Variants in ARHGEF7 observed in about 807,000 individuals in gnomAD.
ARHGEF7 encodes Rho guanine nucleotide exchange factor 7, also known as PAK-interacting exchange factor beta.
A neutral mutation model predicts 109.8 loss-of-function variants in ARHGEF7; 33 were observed. That is an observed-to-expected ratio of 0.30 (90% CI 0.23 to 0.40). The LOEUF is 0.40. Ranked by LOEUF, ARHGEF7 falls within the 10% of genes least tolerant of loss-of-function variation. The pLI is 1.00. For missense variants in ARHGEF7, 938 were observed against 1,098.5 expected (o/e 0.85, Z 2.07); for synonymous variants, 458 against 424.6 (o/e 1.08, Z -0.97).
In ARHGEF7 at chr13:111,286,251, G is replaced by A; in HGVS notation, c.2044+11G>A. On this transcript the variant is annotated intron_variant, in intron 17 of 21. Transcript: ENST00000646102. The stretch of plus-strand genomic sequence containing the variant: ...TCGCGTCCCGGAAAAGTGAGTACCT[G>A]CGGTCCGTGTGGTGGAGGACGTGGC... 6.2e-7 allele frequency: 1 copy of A among 1,609,526 alleles called. No homozygotes were observed. Among genetic ancestry groups the A allele is most frequent in the Non-Finnish European group, 8.5e-7 (1 of 1,176,470 alleles).
rs189220101 is a variant in ARHGEF7, at chr13:111,280,870, C to T, written c.1725+193C>T. On this transcript the variant is annotated intron_variant, in intron 15 of 21. Transcript: ENST00000646102. ...TGAATTGTTTTCCAATGAGTGTTCT[C>T]GAGAAACAACCCTGAATTGTGCCTC... The T allele has an allele frequency of 3.0e-4, 180 of 593,262 alleles. No homozygotes were observed. The African/African-American group carries it at 3.1e-3, about 10-fold the overall frequency. The allele number at this position is 593,262 out of a possible 1,614,324, so 36.7% of individuals were successfully genotyped here. A position where few individuals can be genotyped will look rare whatever the true frequency, so the allele number is the denominator to read the frequency against.
intron 1 of ARHGEF7, chr13:111,116,684 G>A (rs1265418157): frequency 6.6e-6 from 1 of 151,996 alleles, no homozygotes; most frequent in African/African-American, 2.4e-5. Flanking sequence ...TTTTAAGTGG[G>A]GTGTATTGGC....
At chr13:111,123,591 C>T (rs1450227372) in intron 1 of ARHGEF7, among the ~76,000 whole-genome samples, 1 of 152,172 alleles carries the variant, frequency 6.6e-6, no homozygotes, top group Non-Finnish European at 1.5e-5. Context: ...GTTTAAAATA[C>T]CCTCTATATC....
intron 1 of ARHGEF7, among the ~76,000 whole-genome samples, chr13:111,143,221 T>C (rs1216060127): frequency 6.6e-6 from 1 of 151,848 alleles, no homozygotes; most frequent in African/African-American, 2.4e-5. Flanking sequence ...TGAGGCAGAG[T>C]AGATACAGGA....
intron 8 of ARHGEF7, among the ~76,000 whole-genome samples, chr13:111,244,688 T>C (rs2088466427): frequency 6.6e-6 from 1 of 152,186 alleles, no homozygotes; most frequent in Non-Finnish European, 1.5e-5. Context: ...TTGCCTGCTG[T>C]TTCTGGCCTT....
Position 111,157,258 on chromosome 13 carries a change from T to G in ARHGEF7, c.252+3267T>G, listed in dbSNP as rs1197939785. ...GCAGTGCAACTTGGATGACTTCATT[T>G]TCTTATAACTTTTTTACTTGGCATG... is the stretch of plus-strand genomic sequence containing the variant. On this transcript the variant is annotated intron_variant, in intron 2 of 21. Transcript: ENST00000646102. 4.0e-5 allele frequency among the ~76,000 whole-genome samples: 6 copies of G among 150,110 alleles called. No homozygotes were observed. In the Admixed American group the frequency reaches 4.1e-4, roughly 10 times the overall value.
chr13:111,284,637 G>A (rs2092938109), intron 16 of ARHGEF7, among the ~76,000 whole-genome samples: 1 of 152,100 alleles, frequency 6.6e-6, no homozygotes, highest in South Asian at 2.1e-4. Context: ...AATTTTTTTT[G>A]ATAAGTCTGG....
intron 1 of ARHGEF7, among the ~76,000 whole-genome samples, chr13:111,128,298 T>C (rs1259468178): frequency 6.6e-6 from 1 of 152,058 alleles, no homozygotes; most frequent in Admixed American, 6.5e-5. Flanking sequence ...TATGATTGTG[T>C]AGGAAATTGT....
Position 111,288,341 on chromosome 13 carries a change from C to T in ARHGEF7, c.2045-13C>T. ...TTCAGTTCGACTGTGAACTGTTGCG[C>T]ATCTCTTGACAGGCACAGCTGCTTT... On this transcript the variant is annotated splice_polypyrimidine_tract_variant and intron_variant, in intron 17 of 21. Transcript: ENST00000646102. 1 of 1,606,778 alleles carries T rather than the reference C, an allele frequency of 6.2e-7. No individual in the cohort carries two copies. Among genetic ancestry groups the T allele is most frequent in the Non-Finnish European group, 8.5e-7 (1 of 1,173,882 alleles).
intron 19 of ARHGEF7, chr13:111,294,216 A>G (rs570155734): frequency 2.6e-5 from 26 of 985,278 alleles, no homozygotes; most frequent in Non-Finnish European, 3.0e-5. Flanking sequence ...CTATAAGTGG[A>G]TTTAGAAGCG....
chr13:111,207,529 T>C lies in ARHGEF7; in HGVS notation c.337+2156T>C, dbSNP rs975407978. ...GGCAGATGGGGCAATAGCACAGATA[T>C]GTAAAATCTACAAGTAATCCTTAAT... is the stretch of plus-strand genomic sequence containing the variant. On this transcript the variant is annotated intron_variant, in intron 3 of 21. Transcript: ENST00000646102. 3.3e-5 allele frequency among the ~76,000 whole-genome samples: 5 copies of C among 152,254 alleles called. No individual in the cohort carries two copies. In the South Asian group the frequency reaches 8.3e-4, roughly 25 times the overall value.
intron 5 of ARHGEF7, among the ~76,000 whole-genome samples, chr13:111,230,322 T>C (rs1566904236): frequency 6.6e-6 from 1 of 152,186 alleles, no homozygotes; most frequent in Non-Finnish European, 1.5e-5. Context: ...CTTAGGATAG[T>C]AGGGCAGTTG....
intron 8 of ARHGEF7, among the ~76,000 whole-genome samples, chr13:111,244,809 T>TA (rs1736444236): frequency 6.6e-6 from 1 of 152,232 alleles, no homozygotes; most frequent in African/African-American, 2.4e-5. Context: ...ACATCTTTAT[T>TA]AATCAAGACC....
chr13:111,283,038 G>T, intron 15 of ARHGEF7, 101 bp from the exon 16 acceptor site: 1 of 1,339,808 alleles, frequency 7.5e-7, no homozygotes. Context: ...TATTTCACAT[G>T]GAGTGTTTAA....
chr13:111,262,398 CTGTGTGTGTGTGTGCATG>C (rs2091194043), intron 8 of ARHGEF7, among the ~76,000 whole-genome samples: 1 of 151,324 alleles, frequency 6.6e-6, no homozygotes. Flanking sequence ...CCCCGTGTCC[CTGTGTGTGTGTGTGCATG>C]TGTGTGTGTG....
intron 8 of ARHGEF7, chr13:111,265,765 G>T: frequency 2.2e-6 from 1 of 454,776 alleles, no homozygotes; most frequent in South Asian, 1.6e-5. Flanking sequence ...AATAGGATCA[G>T]CAGCCTTGTA....
intron 2 of ARHGEF7, among the ~76,000 whole-genome samples, chr13:111,184,020 A>G (rs917572711): frequency 2.0e-5 from 3 of 152,058 alleles, no homozygotes; most frequent in Middle Eastern, 3.2e-3. Flanking sequence ...TCCCCACCCA[A>G]ATCTCACCTT....
chr13:111,235,813 T>C (rs542257374), intron 6 of ARHGEF7, among the ~76,000 whole-genome samples: 3 of 152,246 alleles, frequency 2.0e-5, no homozygotes, highest in Non-Finnish European at 4.4e-5. Flanking sequence ...TTTTGTAGTT[T>C]CGTTTTCACA....
intron 19 of ARHGEF7, among the ~76,000 whole-genome samples, chr13:111,298,033 A>G (rs1349360226): frequency 1.3e-5 from 2 of 152,266 alleles, no homozygotes; most frequent in Non-Finnish European, 2.9e-5. Flanking sequence ...ACAGTCATCA[A>G]CTGTCTGGGC....
Sources: allele counts gnomAD v4.1 joint callset (sites outside exome capture counted in the v4.1 genomes callset), GRCh38; gene constraint gnomAD v4.1.1; transcripts MANE v1.5; gene names NCBI Gene and HGNC (gene_info 2026-07-23, HGNC 2026-07-21).